ENTPD5: variants seen among roughly 807,000 people sequenced by gnomAD.
ENTPD5 encodes the protein ectonucleoside triphosphate diphosphohydrolase 5 (inactive), also known as nucleoside diphosphate phosphatase ENTPD5.
In ENTPD5, 49 loss-of-function variants were observed where a neutral mutation model predicts 60.2. The observed-to-expected ratio is 0.81, with a 90% CI of 0.65 to 1.03. ENTPD5 has a LOEUF of 1.03. Among genes scored for constraint, ENTPD5 ranks in the 50% least tolerant of loss-of-function variants. The pLI is 0.00. For missense variants in ENTPD5, 480 were observed against 507.6 expected (o/e 0.95, Z 0.52); for synonymous variants, 187 against 185.4 (o/e 1.01, Z -0.07).
intron 5 of ENTPD5, chr14:73,986,285 T>C (rs966153201): frequency 1.3e-5 from 2 of 153,370 alleles, no homozygotes; most frequent in African/African-American, 4.8e-5. Flanking sequence ...GGATGTAGTA[T>C]GTTGTAGATG....
Position 73,963,247 on chromosome 14 carries a change from T to C in ENTPD5, c.*3681A>G. On this transcript the variant is annotated 3_prime_UTR_variant, in exon 16 of 16. Coordinates refer to ENST00000334696, the MANE Select transcript of ENTPD5 (RefSeq NM_001249.5). ...ACTTACAATTTGGTTGAAAAGAGCTTTTTATTACTAAAAAACCCACAAGGT... is the reference window on the plus strand; with the variant it reads ...ACTTACAATTTGGTTGAAAAGAGCTCTTTATTACTAAAAAACCCACAAGGT... The C allele has an allele frequency of 1.8e-6, 1 of 568,536 alleles. No homozygotes were observed. Among genetic ancestry groups the C allele is most frequent in the South Asian group, 2.5e-5 (1 of 39,322 alleles). 35.2% of individuals were successfully genotyped at this position (568,536 alleles called of 1,614,324 possible).
downstream of ENTPD5, chr14:73,955,890 T>A: frequency 1.9e-6 from 3 of 1,614,122 alleles, no homozygotes; most frequent in South Asian, 3.3e-5. Context: ...AATGATGTCA[T>A]CATGCATGCT....
intron 6 of ENTPD5, among the ~76,000 whole-genome samples, chr14:73,980,224 G>A (rs1380743668): frequency 6.6e-6 from 1 of 150,920 alleles, no homozygotes; most frequent in East Asian, 2.0e-4. Context: ...TGGGATTACA[G>A]GCATGAGCCA....
chr14:74,018,220 A>G (rs1031845212), intron 1 of ENTPD5, among the ~76,000 whole-genome samples: 7 of 152,094 alleles, frequency 4.6e-5, no homozygotes, highest in Non-Finnish European at 1.0e-4. Flanking sequence ...TCATTACCAA[A>G]TCGGCATGTT....
chr14:73,988,271 T>C, intron 3 of ENTPD5, 99 bp from the exon 4 acceptor site: 1 of 1,161,550 alleles, frequency 8.6e-7, no homozygotes, highest in Non-Finnish European at 1.2e-6. Flanking sequence ...GTTCCTTCCC[T>C]ATTCTAATAA....
chr14:73,969,331 C>T (rs1030414254), intron 15 of ENTPD5, among the ~76,000 whole-genome samples: 2 of 152,290 alleles, frequency 1.3e-5, no homozygotes, highest in Non-Finnish European at 2.9e-5. Flanking sequence ...CTGCTTGCAC[C>T]GTGTCTTCTG....
intron 3 of ENTPD5, among the ~76,000 whole-genome samples, chr14:74,008,688 C>A (rs2058754245): frequency 6.6e-6 from 1 of 151,524 alleles, no homozygotes; most frequent in Non-Finnish European, 1.5e-5. Context: ...AGCCACTGCG[C>A]CTGGCCTAGA....
At chr14:73,961,117 T>G, downstream of ENTPD5, 1 of 1,569,528 alleles carries the variant, frequency 6.4e-7, no homozygotes, top group Non-Finnish European at 8.7e-7. Context: ...TATTGAATTT[T>G]TAATTCCCTG....
At chr14:74,018,172 T>C (rs2059112301) in intron 1 of ENTPD5, among the ~76,000 whole-genome samples, 1 of 143,062 alleles carries the variant, frequency 7.0e-6, no homozygotes, top group Non-Finnish European at 1.5e-5. Flanking sequence ...CAGAAGACTC[T>C]CTCTCAGAAA....
downstream of ENTPD5, chr14:73,956,057 G>A (rs2056416583): frequency 4.4e-6 from 6 of 1,360,138 alleles, no homozygotes; most frequent in Non-Finnish European, 5.2e-6. Flanking sequence ...GGGTGCGGTG[G>A]CTCACGCCTG....
rs774710700 is a variant in ENTPD5 at position 73,966,954 on chromosome 14, A to G, written c.1261T>C (p.Leu421=). 1 of 1,614,226 alleles carries G rather than the reference A, an allele frequency of 6.2e-7. No individual in the cohort carries two copies. The highest frequency in any genetic ancestry group is 1.1e-5 in the South Asian group (1 of 91,086). Residue 421 remains leucine (L), a synonymous_variant, in exon 16 of 16, where the codon TTG becomes CTG. Coordinates refer to ENST00000334696, the MANE Select transcript of ENTPD5 (RefSeq NM_001249.5). The part of the protein sequence containing the change: ...GWALGATFHL[L]QSLGISH The stretch of plus-strand genomic sequence containing the variant: ...CAATGGGAGATGCCCAGAGACTGCA[A>G]CAGGTGAAAGGTGGCCCCCAAGGCC...
intron 3 of ENTPD5, among the ~76,000 whole-genome samples, chr14:73,988,913 T>C (rs2058019848): frequency 6.6e-6 from 1 of 152,172 alleles, no homozygotes; most frequent in African/African-American, 2.4e-5. Context: ...AACCTCTGCC[T>C]CCCGGGTTCA....
Position 73,974,946 on chromosome 14 carries a change from G to A in ENTPD5, c.762C>T (p.Thr254=), listed in dbSNP as rs763355064. ...GFGLKAARLA[T]LGALETEGTD... ...AACCTTCTGTCTCCAGGGCTCCCAG[G>A]GTTGCTAGTCTTGCAGCTTTCAATC... The change falls in exon 11 of 16, where the codon ACC becomes ACT. Residue 254 remains threonine, a synonymous_variant. Coordinates refer to ENST00000334696, the MANE Select transcript of ENTPD5 (RefSeq NM_001249.5). 1 of 1,613,670 alleles carries A rather than the reference G, an allele frequency of 6.2e-7. No homozygotes were observed. The highest frequency in any genetic ancestry group is 1.7e-5 in the Admixed American group (1 of 59,956).
downstream of ENTPD5, among the ~76,000 whole-genome samples, chr14:73,962,143 T>C (rs2056768313): frequency 1.3e-5 from 2 of 151,844 alleles, no homozygotes; most frequent in African/African-American, 2.4e-5. Context: ...AGATGGGGTT[T>C]CACCATGTTG....
chr14:73,977,259 G>T, intron 7 of ENTPD5, 40 bp downstream of exon 7: 1 of 1,499,542 alleles, frequency 6.7e-7, no homozygotes, highest in African/African-American at 1.4e-5. Flanking sequence ...CACTGATCCT[G>T]CCCCTCTCCC....
At chr14:74,007,764 T>C (rs1163055610) in intron 3 of ENTPD5, 1 of 151,600 alleles carries the variant, frequency 6.6e-6, no homozygotes, top group East Asian at 2.0e-4. Context: ...GAAGCTGCCG[T>C]GAGCTGTGAT....
chr14:73,971,985 A>G (rs878887405), intron 13 of ENTPD5, 77 bp from the exon 14 acceptor site: 1 of 867,402 alleles, frequency 1.2e-6, no homozygotes, highest in South Asian at 1.3e-5. Context: ...TTCATTCATT[A>G]TATACACATG....
In ENTPD5 at chr14:73,971,895, C is replaced by T. The variant is rs1219469876; in HGVS notation, c.1041G>A (p.Gly347=). 2 of 1,595,064 alleles carry T rather than the reference C, an allele frequency of 1.3e-6. No individual in the cohort carries two copies. The highest frequency in any genetic ancestry group is 1.7e-6 in the Non-Finnish European group (2 of 1,162,724). The change falls in exon 14 of 16, where the codon GGG becomes GGA. Residue 347 remains glycine (G), a synonymous_variant. Transcript: ENST00000334696. ...VDTDMIDYEK[G]GILKVEDFER... ...CAAAATCTTCAACTTTTAAAATACC[C>T]CCCTTTTCATAATCTGAAATAAAAC...
chr14:73,958,913 C>A, downstream of ENTPD5: 1 of 1,606,062 alleles, frequency 6.2e-7, no homozygotes, highest in Non-Finnish European at 8.5e-7. Context: ...CAGAGAAAAA[C>A]TTCTGAAGCA....
Sources: allele counts gnomAD v4.1 joint callset (sites outside exome capture counted in the v4.1 genomes callset), GRCh38; gene constraint gnomAD v4.1.1; transcripts MANE v1.5; gene names NCBI Gene and HGNC (gene_info 2026-07-23, HGNC 2026-07-21).